NTM: variants seen among roughly 807,000 people sequenced by gnomAD.
The protein encoded by NTM is neurotrimin.
In NTM, 13 loss-of-function variants were observed where a neutral mutation model predicts 42.1. That is an observed-to-expected ratio of 0.31 (90% CI 0.20 to 0.49). The LOEUF is 0.49. Ranked by LOEUF, NTM falls within the 20% of genes least tolerant of loss-of-function variation. NTM has a pLI of 0.99. For missense variants in NTM, 373 were observed against 452.8 expected (o/e 0.82, Z 1.60); for synonymous variants, 187 against 179.2 (o/e 1.04, Z -0.35).
Position 131,911,547 on chromosome 11 carries a change from G to T in NTM, c.83-17G>T. 6.2e-7 allele frequency: 1 copy of T among 1,614,208 alleles called. No homozygotes were observed. On this transcript the variant is annotated splice_polypyrimidine_tract_variant and intron_variant, in intron 1 of 8. Coordinates refer to ENST00000683400, the MANE Select transcript of NTM (RefSeq NM_001352005.2). ...TCGTGGTCGTGTCTCTCAGGCTGCT[G>T]TTCCTTGTACCCACAGGAGTGCCCG...
chr11:132,242,626 A>G (rs535163638), intron 4 of NTM, among the ~76,000 whole-genome samples: 46 of 152,314 alleles, frequency 3.0e-4, no homozygotes, highest in African/African-American at 1.0e-3. Flanking sequence ...ACACGGCCCG[A>G]GTAGCCACCC....
chr11:131,380,358 C>T (rs1231840511), intron 1 of NTM, among the ~76,000 whole-genome samples: 1 of 152,028 alleles, frequency 6.6e-6, no homozygotes. Flanking sequence ...CAGGCATGTG[C>T]CACCATGCCC....
rs1944983484 is a variant in NTM at position 131,400,195 on chromosome 11, A to T, written c.82+29307A>T. The stretch of plus-strand genomic sequence containing the variant: ...GGATGACAAGGCTGTAAATGAATAG[A>T]CAGGACGTCACCTGTCCTTTCTCTC... On this transcript the variant is annotated intron_variant, in intron 1 of 8. Transcript: ENST00000683400. 2.0e-5 allele frequency among the ~76,000 whole-genome samples: 3 copies of T among 152,042 alleles called. No individual in the cohort carries two copies. In the South Asian group the frequency reaches 6.2e-4, roughly 32 times the overall value.
chr11:131,811,898 G>A (rs1315142214), intron 1 of NTM, among the ~76,000 whole-genome samples: 1 of 152,172 alleles, frequency 6.6e-6, no homozygotes, highest in Non-Finnish European at 1.5e-5. Context: ...TCAGACCTGA[G>A]ATAATCTACA....
At chr11:131,520,902 G>T (rs937613769) in intron 1 of NTM, among the ~76,000 whole-genome samples, 6 of 152,132 alleles carry the variant, frequency 3.9e-5, no homozygotes, top group African/African-American at 1.4e-4. Context: ...GATTTTGTGG[G>T]CTGTACAAGA....
At chr11:131,761,012 C>T (rs1294787399) in intron 1 of NTM, among the ~76,000 whole-genome samples, 1 of 151,740 alleles carries the variant, frequency 6.6e-6, no homozygotes, top group Non-Finnish European at 1.5e-5. Context: ...AGCTGCAACC[C>T]AGCCAAAACC....
intron 1 of NTM, among the ~76,000 whole-genome samples, chr11:131,553,427 A>G (rs968859418): frequency 1.5e-4 from 23 of 152,186 alleles, no homozygotes; most frequent in Admixed American, 1.1e-3. Context: ...GAGGACCCAC[A>G]GATTCCTGGC....
At chr11:131,866,095 A>G (rs2047173325) in intron 1 of NTM, among the ~76,000 whole-genome samples, 1 of 145,930 alleles carries the variant, frequency 6.9e-6, no homozygotes, top group South Asian at 2.1e-4. Flanking sequence ...TGCTACATGC[A>G]CACACACACA....
chr11:131,573,905 G>T (rs2057691659), intron 1 of NTM, among the ~76,000 whole-genome samples: 1 of 152,190 alleles, frequency 6.6e-6, no homozygotes, highest in Non-Finnish European at 1.5e-5. Context: ...GGAATCTCCA[G>T]GAGTTTCTTC....
At chr11:131,544,941 G>A (rs182103964) in intron 1 of NTM, among the ~76,000 whole-genome samples, 51 of 152,212 alleles carry the variant, frequency 3.4e-4, no homozygotes, top group African/African-American at 9.1e-4. Flanking sequence ...GATCATTTTC[G>A]GAAGGACCCC....
chr11:131,543,143 A>C (rs1335080979), intron 1 of NTM, among the ~76,000 whole-genome samples: 1 of 152,188 alleles, frequency 6.6e-6, no homozygotes, highest in Admixed American at 6.5e-5. Context: ...GAGCCAGTTG[A>C]AACGCTGCCA....
chr11:131,842,421 G>T (rs1323028396), intron 1 of NTM, among the ~76,000 whole-genome samples: 1 of 152,148 alleles, frequency 6.6e-6, no homozygotes, highest in Admixed American at 6.5e-5. Context: ...AGTTTTGCAA[G>T]TCGTGGTTTC....
chr11:132,032,379 A>AT (rs2076037728), intron 2 of NTM, among the ~76,000 whole-genome samples: 1 of 152,058 alleles, frequency 6.6e-6, no homozygotes, highest in African/African-American at 2.4e-5. Context: ...CATTCCTTGG[A>AT]TTTTCACTGC....
intron 1 of NTM, chr11:131,660,863 G>T: frequency 8.1e-7 from 1 of 1,234,654 alleles, no homozygotes; most frequent in Non-Finnish European, 1.0e-6. Flanking sequence ...GTCGGAAGCT[G>T]GCCTTGATTT....
chr11:131,393,730 T>C (rs1444353526), intron 1 of NTM, among the ~76,000 whole-genome samples: 1 of 152,240 alleles, frequency 6.6e-6, no homozygotes, highest in Non-Finnish European at 1.5e-5. Flanking sequence ...CACCAATCGC[T>C]GCCTAGCTGC....
At chr11:131,717,174 G>T (rs1490681625) in intron 1 of NTM, among the ~76,000 whole-genome samples, 2 of 152,196 alleles carry the variant, frequency 1.3e-5, no homozygotes, top group East Asian at 1.9e-4. Flanking sequence ...ATAGTGGTAG[G>T]CCTCCAACAT....
intron 1 of NTM, among the ~76,000 whole-genome samples, chr11:131,832,955 G>A (rs961533280): frequency 5.9e-5 from 9 of 152,178 alleles, no homozygotes; most frequent in African/African-American, 1.9e-4. Context: ...TTTACTAATT[G>A]TGAACTAATT....
At chr11:131,724,732 C>T (rs1565470693) in intron 1 of NTM, among the ~76,000 whole-genome samples, 1 of 152,164 alleles carries the variant, frequency 6.6e-6, no homozygotes, top group African/African-American at 2.4e-5. Context: ...GAAGGGCACT[C>T]ATAAATTATA....
At chr11:131,424,595 C>CTTGTTTTTTTTTTTTTTTT (rs1947868499) in intron 1 of NTM, among the ~76,000 whole-genome samples, 1 of 39,616 alleles carries the variant, frequency 2.5e-5, no homozygotes, top group African/African-American at 1.1e-4. Flanking sequence ...TATTTCTTTT[C>CTTGTTTTTTTTTTTTTTTT]TTTTCTTTTT....
Sources: gnomAD v4.1 joint callset for allele counts (sites outside exome capture counted in the v4.1 genomes callset) on GRCh38, gnomAD v4.1.1 for gene constraint, MANE v1.5 for transcripts, NCBI Gene and HGNC (gene_info 2026-07-23, HGNC 2026-07-21) for gene names.